Variants in KCNMB2 observed in about 807,000 individuals in gnomAD.
KCNMB2 encodes the protein potassium calcium-activated channel subfamily M regulatory beta subunit 2, also known as calcium-activated potassium channel subunit beta-2.
KCNMB2 carries 9 observed loss-of-function variants against 24.5 expected under a neutral mutation model. That is an observed-to-expected ratio of 0.37 (90% CI 0.22 to 0.64). The LOEUF (loss-of-function observed/expected upper bound fraction) is 0.64, where lower values mean the gene tolerates loss of function less well. KCNMB2 is among the 30% of genes least tolerant of loss of function. The pLI is 0.63. For missense variants in KCNMB2, 226 were observed against 284.3 expected (o/e 0.79, Z 1.47); for synonymous variants, 109 against 104.4 (o/e 1.04, Z -0.27).
chr3:178,687,157 A>G (rs1721499614), intron 1 of KCNMB2, among the ~76,000 whole-genome samples: 1 of 152,088 alleles, frequency 6.6e-6, no homozygotes, highest in Admixed American at 6.6e-5. Context: ...AGAAATAGGA[A>G]CTAAGAAAAC....
intron 1 of KCNMB2, among the ~76,000 whole-genome samples, chr3:178,591,805 G>A (rs989496287): frequency 6.6e-6 from 1 of 152,086 alleles, no homozygotes; most frequent in Non-Finnish European, 1.5e-5. Context: ...GAACCCCTGG[G>A]ATTCTGATGT....
intron 1 of KCNMB2, among the ~76,000 whole-genome samples, chr3:178,728,308 T>G (rs1265885577): frequency 2.0e-5 from 3 of 152,154 alleles, no homozygotes; most frequent in Non-Finnish European, 4.4e-5. Flanking sequence ...TCAGAGAACA[T>G]TAAAGACACA....
At chr3:178,709,950 C>T (rs1722397078) in intron 1 of KCNMB2, among the ~76,000 whole-genome samples, 1 of 152,072 alleles carries the variant, frequency 6.6e-6, no homozygotes, top group Non-Finnish European at 1.5e-5. Context: ...GGTCCAAAAA[C>T]TTTCAGAGGA....
At chr3:178,549,166 A>G (rs1715863637) in intron 1 of KCNMB2, among the ~76,000 whole-genome samples, 1 of 152,258 alleles carries the variant, frequency 6.6e-6, no homozygotes, top group African/African-American at 2.4e-5. Context: ...CCCACTGAAT[A>G]TATAAATGAA....
chr3:178,758,022 T>C lies in KCNMB2; in HGVS notation c.-67-49321T>C, dbSNP rs367577733. 3.7e-5 allele frequency among the ~76,000 whole-genome samples: 2 copies of C among 53,754 alleles called. 1 individual carries two copies. Among genetic ancestry groups the C allele is most frequent in the Non-Finnish European group, 6.8e-5 (2 of 29,198 alleles). The allele number at this position is 53,754 out of a possible 152,430, so 35.3% of individuals were successfully genotyped here. On this transcript the variant is annotated intron_variant, in intron 1 of 4. Transcript: ENST00000452583. ...ATCTAGATATATATATATATATATC[T>C]AGAGGATATATATATATATCTAGAT...
chr3:178,573,591 A>C (rs983063305), intron 1 of KCNMB2, among the ~76,000 whole-genome samples: 1 of 150,956 alleles, frequency 6.6e-6, no homozygotes. Flanking sequence ...CATAAAAAAA[A>C]AAAAAAAACT....
At chr3:178,778,895 C>T (rs1712707973) in intron 1 of KCNMB2, among the ~76,000 whole-genome samples, 1 of 152,166 alleles carries the variant, frequency 6.6e-6, no homozygotes, top group South Asian at 2.1e-4. Flanking sequence ...TTATGAATGG[C>T]ACAGCATAAA....
chr3:178,691,961 T>C (rs982497815), intron 1 of KCNMB2, among the ~76,000 whole-genome samples: 1 of 152,228 alleles, frequency 6.6e-6, no homozygotes, highest in Non-Finnish European at 1.5e-5. Flanking sequence ...TGGGGTGAGA[T>C]GGTATCTCAT....
chr3:178,671,002 C>T (rs1720879656), intron 1 of KCNMB2, among the ~76,000 whole-genome samples: 1 of 152,108 alleles, frequency 6.6e-6, no homozygotes, highest in African/African-American at 2.4e-5. Context: ...GACAATACAA[C>T]TGGTTCTAGA....
At chr3:178,537,699 T>C (rs962117424) in intron 1 of KCNMB2, among the ~76,000 whole-genome samples, 4 of 152,216 alleles carry the variant, frequency 2.6e-5, no homozygotes, top group African/African-American at 9.6e-5. Flanking sequence ...ACTTGATCTA[T>C]GGTGCAAATT....
intron 1 of KCNMB2, among the ~76,000 whole-genome samples, chr3:178,607,640 T>TGTG (rs1290755712): frequency 6.6e-6 from 1 of 151,716 alleles, no homozygotes; most frequent in Non-Finnish European, 1.5e-5. Flanking sequence ...TGTGTGTGTG[T>TGTG]GTGTGTGTGT....
chr3:178,617,015 C>T (rs753816567), intron 1 of KCNMB2, among the ~76,000 whole-genome samples: 1 of 152,030 alleles, frequency 6.6e-6, no homozygotes, highest in Non-Finnish European at 1.5e-5. Flanking sequence ...GTGGTATGGG[C>T]GGAGGAGATA....
At chr3:178,812,326 T>G (rs1714225288) in intron 2 of KCNMB2, among the ~76,000 whole-genome samples, 1 of 151,646 alleles carries the variant, frequency 6.6e-6, no homozygotes, top group Admixed American at 6.6e-5. Flanking sequence ...CATGATGGTG[T>G]GCTGCACCCA....
chr3:178,823,247 G>A (rs993048348), intron 2 of KCNMB2, among the ~76,000 whole-genome samples: 2 of 152,162 alleles, frequency 1.3e-5, no homozygotes, highest in Non-Finnish European at 2.9e-5. Flanking sequence ...CCAGTCTGTG[G>A]AAGTCAAAAA....
intron 2 of KCNMB2, among the ~76,000 whole-genome samples, chr3:178,818,627 AC>A (rs1714500603): frequency 6.6e-6 from 1 of 151,872 alleles, no homozygotes; most frequent in African/African-American, 2.4e-5. Context: ...CTTTTTTTAA[AC>A]CCCTCTTTAT....
intron 1 of KCNMB2, among the ~76,000 whole-genome samples, chr3:178,594,712 T>G (rs1717802434): frequency 6.6e-6 from 1 of 151,984 alleles, no homozygotes; most frequent in Non-Finnish European, 1.5e-5. Flanking sequence ...ATAAATTAAC[T>G]CAGAAGTTGT....
intron 2 of KCNMB2, among the ~76,000 whole-genome samples, chr3:178,815,258 C>T (rs939108785): frequency 1.3e-5 from 2 of 151,938 alleles, no homozygotes; most frequent in Non-Finnish European, 2.9e-5. Context: ...CCCACCTCGG[C>T]CCCCCATGCA....
chr3:178,691,293 GTT>G lies in KCNMB2; in HGVS notation c.-67-116037_-67-116036del, dbSNP rs35823042. On this transcript the variant is annotated intron_variant, in intron 1 of 4. Coordinates refer to ENST00000452583, the MANE Select transcript of KCNMB2 (RefSeq NM_181361.3). ...TTTAAGTTCAGGAGTACATGTGCAG[GTT>G]TTTTTTTTTTTTAACATAGATAAAC... Among the ~76,000 whole-genome samples, 293 of 139,876 alleles carry G rather than the reference GTT, an allele frequency of 2.1e-3. 2 individuals are homozygous for G. The highest frequency in any genetic ancestry group is 7.4e-3 in the Middle Eastern group (2 of 272). The allele number at this position is 139,876 out of a possible 152,430, so 91.8% of individuals were successfully genotyped here.
intron 1 of KCNMB2, among the ~76,000 whole-genome samples, chr3:178,715,964 C>A (rs1368952655): frequency 6.6e-6 from 1 of 152,162 alleles, no homozygotes; most frequent in Non-Finnish European, 1.5e-5. Context: ...GAACTGCCTG[C>A]CCCTCTCTTA....
Sources: allele counts gnomAD v4.1 joint callset (sites outside exome capture counted in the v4.1 genomes callset), GRCh38; gene constraint gnomAD v4.1.1; transcripts MANE v1.5; gene names NCBI Gene and HGNC (gene_info 2026-07-23, HGNC 2026-07-21).